The following DSC3 variants were observed in gnomAD, a reference collection of about 807,000 sequenced individuals.
DSC3 encodes desmocollin-3.
In DSC3, 97 loss-of-function variants were observed where a neutral mutation model predicts 89.5. That is an observed-to-expected ratio of 1.08 (90% CI 0.92 to 1.28). The LOEUF is 1.28. DSC3 is among the 50% of genes most tolerant of loss of function. The pLI is 0.00. For missense variants in DSC3, 1,199 were observed against 1,085.3 expected (o/e 1.10, Z -1.47); for synonymous variants, 436 against 384.1 (o/e 1.14, Z -1.58).
intron 9 of DSC3, among the ~76,000 whole-genome samples, chr18:31,009,920 A>C (rs1435403795): frequency 6.6e-6 from 1 of 152,224 alleles, no homozygotes. Flanking sequence ...ATCTCTAAAA[A>C]ATTTCCAAAT....
chr18:31,006,442 G>C (rs977330034), intron 12 of DSC3, among the ~76,000 whole-genome samples: 1 of 152,064 alleles, frequency 6.6e-6, no homozygotes, highest in Non-Finnish European at 1.5e-5. Context: ...TTGGATTACA[G>C]GTGCCTGCCA....
Position 31,022,443 on chromosome 18 carries a change from G to C in DSC3, c.835C>G (p.Arg279Gly), listed in dbSNP as rs149148363. 153 of 1,613,890 alleles carry C rather than the reference G, an allele frequency of 9.5e-5. No homozygotes were observed. The highest frequency in any genetic ancestry group is 1.4e-5 in the Non-Finnish European group (16 of 1,179,982). Reference protein sequence around the residue: ...DRDEPDTMHTRLKYSILQQTP... With the variant: ...DRDEPDTMHTGLKYSILQQTP... ...TGCTGCAAAATGCTGTATTTCAGGC[G>C]CGTATGCATTGTGTCCGGTTCATCT... The change falls in exon 7 of 16, where the codon CGC becomes GGC. Residue 279 changes from arginine (R) to glycine (G), a missense_variant. Transcript: ENST00000360428.
Position 30,991,821 on chromosome 18 carries a change from A to C in DSC3, c.*2354T>G, listed in dbSNP as rs1011400871. On this transcript the variant is annotated 3_prime_UTR_variant, in exon 16 of 16. Transcript: ENST00000360428. ...TTTCAAGATTGATCCAATTCGTATG[A>C]TCAACTTTCACACATGTTCAAAATG... The C allele has an allele frequency of 6.6e-6, 1 of 152,092 alleles. No homozygotes were observed. The highest frequency in any genetic ancestry group is 2.4e-5 in the African/African-American group (1 of 41,406). The allele number at this position is 152,092 out of a possible 1,614,324, so 9.4% of individuals were successfully genotyped here.
intron 13 of DSC3, among the ~76,000 whole-genome samples, chr18:31,002,236 A>G (rs1047870413): frequency 1.3e-5 from 2 of 152,232 alleles, no homozygotes; most frequent in African/African-American, 4.8e-5. Context: ...GATTGAAAAT[A>G]CATGATAATT....
intron 6 of DSC3, among the ~76,000 whole-genome samples, chr18:31,023,740 G>A (rs539882080): frequency 2.6e-4 from 39 of 152,206 alleles, no homozygotes; most frequent in Admixed American, 2.6e-4. Context: ...AGAAGCCATC[G>A]TAAGTGCCAC....
rs2144673688 is a variant in DSC3 at position 30,996,973 on chromosome 18, T to C, written c.2311A>G (p.Met771Val). 1.2e-6 allele frequency: 2 copies of C among 1,614,198 alleles called. No homozygotes were observed. The highest frequency in any genetic ancestry group is 2.2e-5 in the East Asian group (1 of 44,876). Reference protein sequence around the residue: ...QGFCGTMGSGMKNGGQETIEM... With the variant: ...QGFCGTMGSGVKNGGQETIEM... ...ATGGTTTCCTGCCCTCCATTTTTCA[T>C]TCCTGATCCCATAGTACCACAAAAA... is the stretch of plus-strand genomic sequence containing the variant. The change falls in exon 15 of 16, where the codon ATG becomes GTG. Residue 771 changes from methionine (M) to valine (V), a missense_variant. Physicochemically the swap from Met to Val is conservative, Grantham distance 21 (BLOSUM62 1). Transcript: ENST00000360428.
intron 8 of DSC3, 53 bp from the exon 9 acceptor site, chr18:31,018,309 T>TA (rs1371370382): frequency 3.0e-5 from 44 of 1,444,730 alleles, no homozygotes; most frequent in Middle Eastern, 2.5e-4. Context: ...TAGACAACTT[T>TA]AAAAAAAAGT....
At chr18:31,010,456 G>C (rs1985020793) in intron 9 of DSC3, among the ~76,000 whole-genome samples, 1 of 152,058 alleles carries the variant, frequency 6.6e-6, no homozygotes, top group Non-Finnish European at 1.5e-5. Context: ...GAGTTTCTTT[G>C]TCCCATTTTT....
At position 31,008,175 on chromosome 18, in the gene DSC3, AAT is replaced by A. The variant is rs757590311; in HGVS notation, c.1521-19_1521-18del. 1.9e-6 allele frequency: 3 copies of A among 1,607,626 alleles called. No individual in the cohort carries two copies. The highest frequency in any genetic ancestry group is 1.3e-5 in the African/African-American group (1 of 74,820). ...TTTTTGTACCTGTTAATAAAAAAAA[AAT>A]AGTCTTTAGCATCAGAAAATGTTTT... On this transcript the variant is annotated intron_variant, in intron 10 of 15. Coordinates refer to ENST00000360428, the MANE Select transcript of DSC3 (RefSeq NM_001941.5).
chr18:31,016,934 C>T (rs1044819806), intron 9 of DSC3, among the ~76,000 whole-genome samples: 2 of 152,130 alleles, frequency 1.3e-5, no homozygotes, highest in African/African-American at 4.8e-5. Context: ...CTTCCTGGGA[C>T]CCACTTCCTA....
chr18:31,001,783 T>G, intron 13 of DSC3, 44 bp from the exon 14 acceptor site: 1 of 1,413,764 alleles, frequency 7.1e-7, no homozygotes. Context: ...TTAGCATACA[T>G]AGAATAAAAT....
intron 4 of DSC3, among the ~76,000 whole-genome samples, chr18:31,027,149 A>C (rs145345051): frequency 6.6e-6 from 1 of 152,160 alleles, no homozygotes; most frequent in African/African-American, 2.4e-5. Flanking sequence ...TTGAAGCTCA[A>C]TATCTGTTTC....
In DSC3 at chr18:30,993,948, T is replaced by A. The variant is rs1984362084; in HGVS notation, c.*227A>T. ...AAAAGAGCAGATGCTTTAGAGACCT[T>A]AATTCCAGTGCTGGAGTTTGAGATT... On this transcript the variant is annotated 3_prime_UTR_variant, in exon 16 of 16. Coordinates refer to ENST00000360428, the MANE Select transcript of DSC3 (RefSeq NM_001941.5). 1 of 462,168 alleles carries A rather than the reference T, an allele frequency of 2.2e-6. No homozygotes were observed. Among genetic ancestry groups the A allele is most frequent in the Non-Finnish European group, 3.9e-6 (1 of 254,126 alleles). The allele number at this position is 462,168 out of a possible 1,614,324, so 28.6% of individuals were successfully genotyped here.
rs1985317943 is a variant in DSC3 at position 31,018,736 on chromosome 18, A to G, written c.1007T>C (p.Ile336Thr). Residue 336 changes from isoleucine to threonine, a missense_variant, in exon 8 of 16, where the codon ATA becomes ACA. Ile to Thr is a moderately conservative substitution (Grantham distance 89). Transcript: ENST00000360428. ...QDMDGQFFGLIGTSTCIITVT... is the reference protein window; with the variant it reads ...QDMDGQFFGLTGTSTCIITVT... ...TGTTATGATACAAGTTGATGTGCCTATCAATCCAAAAAACTGGCCATCCAT... is the reference window on the plus strand; with the variant it reads ...TGTTATGATACAAGTTGATGTGCCTGTCAATCCAAAAAACTGGCCATCCAT... The G allele has an allele frequency of 1.9e-6, 3 of 1,613,702 alleles. No individual in the cohort carries two copies. The highest frequency in any genetic ancestry group is 2.5e-6 in the Non-Finnish European group (3 of 1,179,866).
chr18:31,024,261 T>C, intron 6 of DSC3, 88 bp downstream of exon 6: 21 of 1,277,446 alleles, frequency 1.6e-5, no homozygotes, highest in Non-Finnish European at 2.2e-5. Context: ...CAGGCTGATC[T>C]GGCCTTGAGT....
intron 14 of DSC3, among the ~76,000 whole-genome samples, chr18:31,000,111 G>C (rs1984602674): frequency 6.6e-6 from 1 of 152,042 alleles, no homozygotes; most frequent in African/African-American, 2.4e-5. Context: ...GATGGGCTAT[G>C]ATTTTGCATG....
chr18:31,029,847 T>C (rs1162040754), intron 3 of DSC3, among the ~76,000 whole-genome samples: 1 of 152,188 alleles, frequency 6.6e-6, no homozygotes, highest in African/African-American at 2.4e-5. Context: ...GAATTTCTTT[T>C]TGTATACCAT....
At chr18:31,033,842 G>C (rs552229734) in intron 1 of DSC3, among the ~76,000 whole-genome samples, 1 of 152,178 alleles carries the variant, frequency 6.6e-6, no homozygotes, top group South Asian at 2.1e-4. Flanking sequence ...GTTTTGTTTT[G>C]AGACAGAGTC....
At chr18:31,012,616 T>A (rs1032968264) in intron 9 of DSC3, among the ~76,000 whole-genome samples, 8 of 152,194 alleles carry the variant, frequency 5.3e-5, no homozygotes, top group East Asian at 1.9e-4. Context: ...AGAATTAGAA[T>A]AACAACCACA....
Sources: allele counts gnomAD v4.1 joint callset (sites outside exome capture counted in the v4.1 genomes callset), GRCh38; gene constraint gnomAD v4.1.1; transcripts MANE v1.5; gene names NCBI Gene and HGNC (gene_info 2026-07-23, HGNC 2026-07-21).